Variants in KLRD1 observed in about 807,000 individuals in gnomAD.
KLRD1 encodes natural killer cells antigen CD94.
A neutral mutation model predicts 22.6 loss-of-function variants in KLRD1; 21 were observed. The observed-to-expected ratio is 0.93, with a 90% CI of 0.66 to 1.34. The LOEUF is 1.34. Ranked by LOEUF, KLRD1 falls within the 40% of genes most tolerant of loss-of-function variation. The pLI, the probability that KLRD1 is intolerant of heterozygous loss-of-function variation, is 0.00. For synonymous variants in KLRD1, 59 were observed against 71.1 expected (o/e 0.83, Z 0.85); for missense variants, 183 against 208.6 (o/e 0.88, Z 0.76).
intron 1 of KLRD1, among the ~76,000 whole-genome samples, chr12:10,244,968 T>C (rs568326093): frequency 6.6e-6 from 1 of 152,334 alleles, no homozygotes; most frequent in African/African-American, 2.4e-5. Context: ...AGCATTTGCG[T>C]GCATTAGCTC....
upstream of KLRD1, among the ~76,000 whole-genome samples, chr12:10,302,195 A>G (rs1949872095): frequency 6.6e-6 from 1 of 152,248 alleles, no homozygotes; most frequent in Non-Finnish European, 1.5e-5. Context: ...TGGTGTTGAT[A>G]GACTTACTTG....
At chr12:10,279,639 G>T (rs949105889) in intron 1 of KLRD1, among the ~76,000 whole-genome samples, 1 of 152,094 alleles carries the variant, frequency 6.6e-6, no homozygotes, top group Non-Finnish European at 1.5e-5. Flanking sequence ...AAATCTCAAA[G>T]AATGCATGTT....
At chr12:10,280,497 A>G (rs1286943744) in intron 1 of KLRD1, among the ~76,000 whole-genome samples, 5 of 152,142 alleles carry the variant, frequency 3.3e-5, no homozygotes, top group African/African-American at 1.2e-4. Context: ...AGTCTAGACA[A>G]TATTGTGTAG....
intron 1 of KLRD1, among the ~76,000 whole-genome samples, chr12:10,284,611 T>C (rs1949682352): frequency 6.6e-6 from 1 of 152,234 alleles, no homozygotes; most frequent in Non-Finnish European, 1.5e-5. Flanking sequence ...TTAATTCATG[T>C]ATGTATAAAC....
In KLRD1 at chr12:10,326,067, G is replaced by T. The variant is rs1045783432; in HGVS notation, c.*11274G>T. On this transcript the variant is annotated 3_prime_UTR_variant, in exon 6 of 6. Coordinates refer to ENST00000336164, the MANE Select transcript of KLRD1 (RefSeq NM_002262.5). ...TTTCCCTGATGATTAGTGATATTGA[G>T]CATCATTTCATATGCCCATTGACCC... is the stretch of plus-strand genomic sequence containing the variant. 3 of 152,124 alleles carry T rather than the reference G, an allele frequency of 2.0e-5. No individual in the cohort carries two copies. Among genetic ancestry groups the T allele is most frequent in the Admixed American group, 6.5e-5 (1 of 15,270 alleles). The allele number at this position is 152,124 out of a possible 1,614,324, so 9.4% of individuals were successfully genotyped here.
At chr12:10,240,119 G>C (rs1002638894) in intron 1 of KLRD1, among the ~76,000 whole-genome samples, 5 of 151,304 alleles carry the variant, frequency 3.3e-5, no homozygotes, top group Admixed American at 2.0e-4. Flanking sequence ...GGAGTGCAGT[G>C]GCGTGATCTC....
rs935223330 is a variant in KLRD1 at position 10,328,448 on chromosome 12, T to C, written c.*13655T>C. 6.6e-6 allele frequency: 1 copy of C among 152,142 alleles called. No homozygotes were observed. The highest frequency in any genetic ancestry group is 1.5e-5 in the Non-Finnish European group (1 of 68,016). The allele number at this position is 152,142 out of a possible 1,614,324, so 9.4% of individuals were successfully genotyped here. A position where few individuals can be genotyped will look rare whatever the true frequency, so the allele number is the denominator to read the frequency against. On this transcript the variant is annotated 3_prime_UTR_variant, in exon 6 of 6. Coordinates refer to ENST00000336164, the MANE Select transcript of KLRD1 (RefSeq NM_002262.5). ...GTTATCCAATTTGTTGGCCTATAATTGTTCTTAGTTGTCTCTTACCATCTT... is the reference window on the plus strand; with the variant it reads ...GTTATCCAATTTGTTGGCCTATAATCGTTCTTAGTTGTCTCTTACCATCTT...
intron 1 of KLRD1, among the ~76,000 whole-genome samples, chr12:10,246,781 A>C (rs1054333828): frequency 6.6e-6 from 1 of 152,130 alleles, no homozygotes; most frequent in African/African-American, 2.4e-5. Flanking sequence ...TGTTTTGGCT[A>C]TGTTTAGATA....
chr12:10,277,935 A>G (rs1310395943), intron 1 of KLRD1, among the ~76,000 whole-genome samples: 2 of 152,168 alleles, frequency 1.3e-5, no homozygotes, highest in Non-Finnish European at 2.9e-5. Context: ...AATTTTGTGA[A>G]AGGTTTAAAG....
At chr12:10,304,026 A>T (rs989806811), upstream of KLRD1, among the ~76,000 whole-genome samples, 6 of 152,222 alleles carry the variant, frequency 3.9e-5, no homozygotes, top group Admixed American at 2.0e-4. Context: ...CTATGTGGAC[A>T]AAACTTAACC....
chr12:10,308,174 G>A, intron 1 of KLRD1, 90 bp downstream of exon 1: 1 of 1,107,724 alleles, frequency 9.0e-7, no homozygotes, highest in Non-Finnish European at 1.4e-6. Flanking sequence ...TAAGAGAAAA[G>A]GACATGATTA....
chr12:10,306,030 G>A (rs1301436911), upstream of KLRD1, among the ~76,000 whole-genome samples: 3 of 152,002 alleles, frequency 2.0e-5, no homozygotes, highest in African/African-American at 4.8e-5. Flanking sequence ...TTAGCTGGGC[G>A]TGGTGGCGGG....
At position 10,309,730 on chromosome 12, in the gene KLRD1, T is replaced by G. The variant is rs760161685; in HGVS notation, c.163+42T>G. On this transcript the variant is annotated intron_variant, in intron 3 of 5. Transcript: ENST00000336164. The stretch of plus-strand genomic sequence containing the variant: ...GGAAAACTTAGCATTGGTAAAAGAT[T>G]AAATAGGCAGTTTCTTGTTTTTCAC... The G allele has an allele frequency of 4.5e-6, 6 of 1,337,310 alleles. No individual in the cohort carries two copies. In the Admixed American group the frequency reaches 1.0e-4, roughly 23 times the overall value. The allele number at this position is 1,337,310 out of a possible 1,614,324, so 82.8% of individuals were successfully genotyped here.
chr12:10,263,289 A>G (rs1949470664), intron 1 of KLRD1, among the ~76,000 whole-genome samples: 1 of 152,056 alleles, frequency 6.6e-6, no homozygotes, highest in South Asian at 2.1e-4. Context: ...TTTATATGCT[A>G]AAATTCTAAT....
intron 1 of KLRD1, among the ~76,000 whole-genome samples, chr12:10,252,534 A>ACATT (rs531031802): frequency 1.2e-4 from 18 of 152,206 alleles, no homozygotes; most frequent in Middle Eastern, 3.4e-3. Flanking sequence ...AAACCCCACC[A>ACATT]CATTCTCAAG....
intron 1 of KLRD1, among the ~76,000 whole-genome samples, chr12:10,284,051 G>T (rs1180294363): frequency 1.3e-5 from 2 of 151,654 alleles, no homozygotes; most frequent in Non-Finnish European, 2.9e-5. Context: ...GCTGGGCATG[G>T]TGGTGGGCGC....
At chr12:10,254,145 A>AGG (rs1949370170) in intron 1 of KLRD1, among the ~76,000 whole-genome samples, 1 of 152,136 alleles carries the variant, frequency 6.6e-6, no homozygotes, top group South Asian at 2.1e-4. Context: ...CTATCCACAG[A>AGG]GGGCAGGGCA....
At chr12:10,246,914 TTTTC>T (rs1949296569) in intron 1 of KLRD1, among the ~76,000 whole-genome samples, 1 of 31,534 alleles carries the variant, frequency 3.2e-5, no homozygotes, top group Non-Finnish European at 1.4e-4. Flanking sequence ...TCTTTTTTCT[TTTTC>T]TTTTCTTTTC....
At chr12:10,243,090 G>A (rs1949256059) in intron 1 of KLRD1, among the ~76,000 whole-genome samples, 1 of 152,058 alleles carries the variant, frequency 6.6e-6, no homozygotes, top group Non-Finnish European at 1.5e-5. Flanking sequence ...CAAACTTCTA[G>A]AAGTAGGTTG....
Sources: allele counts gnomAD v4.1 joint callset (sites outside exome capture counted in the v4.1 genomes callset), GRCh38; gene constraint gnomAD v4.1.1; transcripts MANE v1.5; gene names NCBI Gene and HGNC (gene_info 2026-07-23, HGNC 2026-07-21).